The following ABL2 variants were observed in gnomAD, a reference collection of about 807,000 sequenced individuals.
ABL2 encodes ABL proto-oncogene 2, non-receptor tyrosine kinase.
Under a neutral mutation model 107.7 loss-of-function variants are expected in ABL2, and 49 were observed. The ratio of observed to expected loss-of-function variants is 0.45; its 90% CI spans 0.36 to 0.58. The LOEUF is 0.58. Ranked by LOEUF, ABL2 falls within the 20% of genes least tolerant of loss-of-function variation. The pLI, the probability that ABL2 is intolerant of heterozygous loss-of-function variation, is 0.00. For synonymous variants in ABL2, 549 were observed against 548.6 expected (o/e 1.00, Z -0.01); for missense variants, 1,245 against 1,457.0 (o/e 0.85, Z 2.37).
intron 1 of ABL2, among the ~76,000 whole-genome samples, chr1:179,223,324 G>A (rs1029491798): frequency 4.0e-5 from 6 of 150,194 alleles, no homozygotes; most frequent in Non-Finnish European, 8.9e-5. Context: ...GCTGAGTCAG[G>A]AATGGCTTCA....
intron 1 of ABL2, among the ~76,000 whole-genome samples, chr1:179,190,218 C>T (rs1660920880): frequency 6.6e-6 from 1 of 152,158 alleles, no homozygotes; most frequent in Admixed American, 6.5e-5. Context: ...TCCCAGACTT[C>T]AGATGCCATT....
chr1:179,160,721 T>C (rs17362156), intron 1 of ABL2, among the ~76,000 whole-genome samples: 2,892 of 152,304 alleles, frequency 0.019, 44 homozygotes, highest in Admixed American at 0.029. Flanking sequence ...CAATTCATAA[T>C]TTTCCAAATG....
chr1:179,204,615 C>T (rs1054172359), intron 1 of ABL2, among the ~76,000 whole-genome samples: 4 of 151,850 alleles, frequency 2.6e-5, no homozygotes, highest in South Asian at 2.1e-4. Flanking sequence ...GAGGTGGTGG[C>T]GCATGCCTGT....
intron 1 of ABL2, among the ~76,000 whole-genome samples, chr1:179,208,243 A>G (rs1396791140): frequency 1.3e-5 from 2 of 152,096 alleles, no homozygotes; most frequent in Non-Finnish European, 2.9e-5. Flanking sequence ...GGTACGAATA[A>G]TCCTGTCACT....
Position 179,143,094 on chromosome 1 carries a change from T to A in ABL2, c.158-9720A>T, listed in dbSNP as rs774479588. On this transcript the variant is annotated intron_variant, in intron 1 of 11. Coordinates refer to ENST00000502732, the MANE Select transcript of ABL2 (RefSeq NM_007314.4). ...TAAACTGTTCTGTGTAAAGAGGAAG[T>A]CTTAGAATTCCATTCTCTGACAAGC... 3.8e-6 allele frequency: 6 copies of A among 1,596,116 alleles called. No homozygotes were observed. The South Asian group carries it at 6.8e-5, about 18-fold the overall frequency.
intron 1 of ABL2, among the ~76,000 whole-genome samples, chr1:179,145,668 C>G (rs17362128): frequency 0.065 from 9,910 of 151,932 alleles, 438 homozygotes; most frequent in Non-Finnish European, 0.089. Context: ...TCTGAGTAGA[C>G]AATGTAGCAA....
intron 1 of ABL2, among the ~76,000 whole-genome samples, chr1:179,200,743 C>G (rs895894955): frequency 6.6e-6 from 1 of 152,184 alleles, no homozygotes; most frequent in Non-Finnish European, 1.5e-5. Context: ...TCAGAAAACT[C>G]AGCACATAGT....
intron 3 of ABL2, among the ~76,000 whole-genome samples, chr1:179,128,301 T>C (rs1333175888): frequency 2.0e-5 from 3 of 151,834 alleles, no homozygotes; most frequent in Admixed American, 1.3e-4. Flanking sequence ...GCGGTGGATA[T>C]GCATAAGTGC....
intron 1 of ABL2, among the ~76,000 whole-genome samples, chr1:179,148,402 C>T (rs1335709122): frequency 6.6e-6 from 1 of 152,150 alleles, no homozygotes; most frequent in East Asian, 1.9e-4. Context: ...GTAATTCTCA[C>T]AATATTTCAA....
intron 9 of ABL2, among the ~76,000 whole-genome samples, chr1:179,112,635 C>G (rs1436457805): frequency 6.6e-6 from 1 of 152,158 alleles, no homozygotes; most frequent in Non-Finnish European, 1.5e-5. Flanking sequence ...GTCACCCAGG[C>G]TGGAGTGCAG....
At chr1:179,201,447 ATATC>A (rs1359118486) in intron 1 of ABL2, 8 of 201,590 alleles carry the variant, frequency 4.0e-5, no homozygotes, top group Non-Finnish European at 2.0e-5. Context: ...CTTAAGTAGA[ATATC>A]TATGAGAAAA....
intron 1 of ABL2, among the ~76,000 whole-genome samples, chr1:179,177,542 G>A (rs1660121324): frequency 1.3e-5 from 2 of 152,154 alleles, no homozygotes; most frequent in Non-Finnish European, 2.9e-5. Context: ...GTAGATTAAG[G>A]AACCTGGGAT....
intron 3 of ABL2, among the ~76,000 whole-genome samples, chr1:179,127,612 A>C (rs1313751652): frequency 6.6e-6 from 1 of 152,234 alleles, no homozygotes; most frequent in Non-Finnish European, 1.5e-5. Flanking sequence ...AGTGATAAAT[A>C]AATGCTAATC....
At position 179,101,091 on chromosome 1, in the gene ABL2, G is replaced by A. The variant is rs1254219407; in HGVS notation, c.*6627C>T. ...GGAGGATCTGGCCACTGCCATCTGA[G>A]AAGCTCGTGTCTACCAGCTCTAGTT... On this transcript the variant is annotated 3_prime_UTR_variant, in exon 12 of 12. Transcript: ENST00000502732. 3 of 231,496 alleles carry A rather than the reference G, an allele frequency of 1.3e-5. No homozygotes were observed. Among genetic ancestry groups the A allele is most frequent in the African/African-American group, 6.6e-5 (3 of 45,254 alleles). 14.3% of individuals were successfully genotyped at this position (231,496 alleles called of 1,614,324 possible).
chr1:179,210,602 C>G (rs1353465726), intron 1 of ABL2, among the ~76,000 whole-genome samples: 5 of 151,366 alleles, frequency 3.3e-5, no homozygotes, highest in African/African-American at 1.2e-4. Flanking sequence ...CGCCTATAAT[C>G]CCAGCACTTT....
At chr1:179,169,739 T>G (rs921525515) in intron 1 of ABL2, among the ~76,000 whole-genome samples, 1 of 152,024 alleles carries the variant, frequency 6.6e-6, no homozygotes. Flanking sequence ...ATGCCACAGA[T>G]TGGGTAATTT....
chr1:179,133,466 G>A (rs1656543756), intron 1 of ABL2, 92 bp from the exon 2 acceptor site: 2 of 1,602,910 alleles, frequency 1.2e-6, no homozygotes, highest in Admixed American at 1.7e-5. Flanking sequence ...GGCATTCAAA[G>A]GCCTTTCATG....
At chr1:179,198,474 C>T (rs1661456645) in intron 1 of ABL2, among the ~76,000 whole-genome samples, 1 of 151,934 alleles carries the variant, frequency 6.6e-6, no homozygotes, top group Non-Finnish European at 1.5e-5. Flanking sequence ...AGGTGGATCA[C>T]CTGAGGCCAA....
At chr1:179,229,206 C>CCCCCCCCA in intron 1 of ABL2, 35 bp downstream of exon 1, 1 of 1,480,762 alleles carries the variant, frequency 6.8e-7, no homozygotes, top group Non-Finnish European at 9.0e-7. Context: ...CCCGGCCTCC[C>CCCCCCCCA]CCACGCTCTC....
Sources: gnomAD v4.1 joint callset for allele counts (sites outside exome capture counted in the v4.1 genomes callset) on GRCh38, gnomAD v4.1.1 for gene constraint, MANE v1.5 for transcripts, NCBI Gene and HGNC (gene_info 2026-07-23, HGNC 2026-07-21) for gene names.